The following GFM1 variants were observed in gnomAD, a reference collection of about 807,000 sequenced individuals.
GFM1 encodes the protein G elongation factor mitochondrial 1, also known as elongation factor G, mitochondrial.
A neutral mutation model predicts 96.2 loss-of-function variants in GFM1; 62 were observed. The ratio of observed to expected loss-of-function variants is 0.64; its 90% confidence interval spans 0.53 to 0.80. GFM1 has a LOEUF of 0.80. GFM1 is among the 30% of genes least tolerant of loss of function. The pLI is 0.00. For synonymous variants in GFM1, 282 were observed against 312.9 expected (o/e 0.90, Z 1.04); for missense variants, 852 against 916.6 (o/e 0.93, Z 0.91).
chr3:158,680,441 C>T (rs1031162325), intron 13 of GFM1, among the ~76,000 whole-genome samples: 3 of 152,188 alleles, frequency 2.0e-5, no homozygotes, highest in Non-Finnish European at 4.4e-5. Context: ...AGTTCTTCTA[C>T]CTGTTCTTTT....
Position 158,690,318 on chromosome 3 carries a change from G to A in GFM1, c.2065G>A (p.Ala689Thr), listed in dbSNP as rs1726209939. The A allele has an allele frequency of 6.2e-7, 1 of 1,613,282 alleles. No homozygotes were observed. Among genetic ancestry groups the A allele is most frequent in the African/African-American group, 1.3e-5 (1 of 74,892 alleles). The change falls in exon 16 of 18, where the codon GCA (alanine) becomes ACA (threonine). Residue 689 changes from alanine (A) to threonine (T), a missense_variant. Ala to Thr is a moderately conservative substitution (Grantham distance 58, BLOSUM62 0). Coordinates refer to ENST00000486715, the MANE Select transcript of GFM1 (RefSeq NM_024996.7). ...DGVEDYFTLY[A>T]DVPLNDMFGY... is the part of the protein sequence containing the mutation. The stretch of plus-strand genomic sequence containing the variant: ...AGTTGAGGACTATTTTACACTGTAT[G>A]CAGATGTAAGTAGTCTTGGTCATTG...
chr3:158,667,053 C>A, intron 13 of GFM1: 1 of 1,591,118 alleles, frequency 6.3e-7, no homozygotes, highest in South Asian at 1.2e-5. Context: ...TAGTCTAATT[C>A]AATAAAGTCA....
intron 14 of GFM1, 199 bp downstream of exon 14, chr3:158,682,356 CAAT>C: frequency 5.4e-6 from 3 of 554,260 alleles, no homozygotes; most frequent in Admixed American, 3.2e-5. Context: ...CATGCTGTGA[CAAT>C]GATGGGAAAT....
At chr3:158,689,652 C>T (rs1726141218) in intron 15 of GFM1, among the ~76,000 whole-genome samples, 1 of 151,640 alleles carries the variant, frequency 6.6e-6, no homozygotes, top group Non-Finnish European at 1.5e-5. Flanking sequence ...CCTGTAATCC[C>T]AGCTACTCGG....
chr3:158,646,762 A>G lies in GFM1; in HGVS notation c.387A>G (p.Ile129Met), dbSNP rs532788927. The G allele has an allele frequency of 1.9e-6, 3 of 1,613,844 alleles. No individual in the cohort carries two copies. In the South Asian group the frequency reaches 3.3e-5, roughly 18 times the overall value. ...ATTCAGGGCATGTGGACTTCACAATAGAAGTGGAAAGGGCCCTGAGAGTGT... is the reference window on the plus strand; with the variant it reads ...ATTCAGGGCATGTGGACTTCACAATGGAAGTGGAAAGGGCCCTGAGAGTGT... The part of the protein sequence containing the change: ...IDTPGHVDFT[I>M]EVERALRVLD... Residue 129 changes from isoleucine (I) to methionine (M), a missense_variant, in exon 4 of 18, where the codon ATA becomes ATG. Transcript: ENST00000486715.
intron 13 of GFM1, among the ~76,000 whole-genome samples, chr3:158,670,645 A>G (rs972110169): frequency 3.3e-5 from 5 of 152,260 alleles, no homozygotes; most frequent in East Asian, 1.9e-4. Context: ...AAACTAATCA[A>G]TCTTACAGAT....
At chr3:158,653,281 A>C in intron 6 of GFM1, 29 bp from the exon 7 acceptor site, 1 of 1,576,826 alleles carries the variant, frequency 6.3e-7, no homozygotes, top group Non-Finnish European at 8.7e-7. Context: ...TTTTAACATT[A>C]ACTACCATTA....
chr3:158,654,103 C>G (rs1722533040), intron 7 of GFM1, among the ~76,000 whole-genome samples: 1 of 150,566 alleles, frequency 6.6e-6, no homozygotes. Context: ...AAAAGAAACT[C>G]ATTGGTTATG....
At chr3:158,669,335 T>G in intron 13 of GFM1, 1 of 1,324,928 alleles carries the variant, frequency 7.5e-7, no homozygotes, top group Non-Finnish European at 1.0e-6. Context: ...GCCTGTAAGT[T>G]TCTAACATAC....
chr3:158,664,311 T>C (rs895794873), intron 11 of GFM1, among the ~76,000 whole-genome samples: 1 of 152,258 alleles, frequency 6.6e-6, no homozygotes, highest in African/African-American at 2.4e-5. Flanking sequence ...ATAGCTGTTC[T>C]CAAAGGGCTA....
intron 13 of GFM1, among the ~76,000 whole-genome samples, chr3:158,678,647 A>C (rs1483710009): frequency 6.6e-6 from 1 of 152,116 alleles, no homozygotes; most frequent in Admixed American, 6.5e-5. Flanking sequence ...CAAAGAAAGT[A>C]GTTTCTTGAG....
intron 7 of GFM1, among the ~76,000 whole-genome samples, chr3:158,654,276 C>T (rs778025952): frequency 8.2e-6 from 1 of 122,028 alleles, no homozygotes; most frequent in Non-Finnish European, 1.6e-5. Context: ...TGCAGTGGTG[C>T]AGTAATAGCT....
chr3:158,682,079 G>A lies in GFM1; in HGVS notation c.1686G>A (p.Glu562=), dbSNP rs763666956. Residue 562 remains glutamate (E), a synonymous_variant, in exon 14 of 18, where the codon GAG becomes GAA. Transcript: ENST00000486715. Reference sequence around the variant, plus strand: ...GTGTCCTGGAGCCTCTGGACCCAGAGGACTACACTAAATTGGAATTTTCAG... The same window carrying A: ...GTGTCCTGGAGCCTCTGGACCCAGAAGACTACACTAAATTGGAATTTTCAG... The part of the protein sequence containing the change: ...VIGVLEPLDP[E]DYTKLEFSDE... 7.4e-6 allele frequency: 12 copies of A among 1,613,216 alleles called. No individual in the cohort carries two copies. The Admixed American group carries it at 2.0e-4, about 27-fold the overall frequency.
chr3:158,682,247 C>A, intron 14 of GFM1, 90 bp downstream of exon 14: 1 of 1,114,658 alleles, frequency 9.0e-7, no homozygotes, highest in Non-Finnish European at 1.3e-6. Flanking sequence ...ATCATGTTGT[C>A]TATCACAGTT....
At position 158,646,854 on chromosome 3, in the gene GFM1, G is replaced by T. The variant is rs138103784; in HGVS notation, c.479G>T (p.Arg160Leu). 4 of 1,613,990 alleles carry T rather than the reference G, an allele frequency of 2.5e-6. No individual in the cohort carries two copies. Among genetic ancestry groups the T allele is most frequent in the Non-Finnish European group, 3.4e-6 (4 of 1,180,006 alleles). ...GVQCQTMTVN[R>L]QMKRYNVPFL... Reference sequence around the variant, plus strand: ...CAGTGCCAGACCATGACTGTCAATCGTCAGATGAAGCGCTACAACGTTCCG... The same window carrying T: ...CAGTGCCAGACCATGACTGTCAATCTTCAGATGAAGCGCTACAACGTTCCG... Residue 160 changes from arginine to leucine, a missense_variant, in exon 4 of 18, where the codon CGT becomes CTT. By Grantham distance (102) the Arg-to-Leu change is moderately radical. Transcript: ENST00000486715.
At chr3:158,670,226 G>A (rs1724145534) in intron 13 of GFM1, among the ~76,000 whole-genome samples, 1 of 152,166 alleles carries the variant, frequency 6.6e-6, no homozygotes, top group African/African-American at 2.4e-5. Context: ...TTTGACAGTT[G>A]TGTATAATCT....
In GFM1 at chr3:158,657,869, T is replaced by C. The variant is rs143247321; in HGVS notation, c.1084-1053T>C. 3.0e-3 allele frequency among the ~76,000 whole-genome samples: 461 copies of C among 152,298 alleles called. 2 individuals are homozygous for C. The highest frequency in any genetic ancestry group is 0.01 in the African/African-American group (429 of 41,578). On this transcript the variant is annotated intron_variant, in intron 8 of 17. Transcript: ENST00000486715. ...TTTTTATACTGTACTCTGTGGGGTGTTTAGTCTAATTTGTGCTGGTTCTGA... is the reference window on the plus strand; with the variant it reads ...TTTTTATACTGTACTCTGTGGGGTGCTTAGTCTAATTTGTGCTGGTTCTGA...
intron 4 of GFM1, among the ~76,000 whole-genome samples, chr3:158,648,678 CAAAAAAAAA>C (rs9331287): frequency 1.9e-5 from 2 of 102,782 alleles, no homozygotes; most frequent in Non-Finnish European, 2.0e-5. Context: ...ACTCTTGTCT[CAAAAAAAAA>C]AAAAAAAAAA....
In GFM1 at chr3:158,690,165, T is replaced by G. The variant is rs1377299358; in HGVS notation, c.1912T>G (p.Leu638Val). The change falls in exon 16 of 18, where the codon TTG becomes GTG. Residue 638 changes from leucine (L) to valine (V), a missense_variant and splice_region_variant. By Grantham distance (32) the Leu-to-Val change is conservative. Coordinates refer to ENST00000486715, the MANE Select transcript of GFM1 (RefSeq NM_024996.7). The stretch of plus-strand genomic sequence containing the variant: ...ACTTTTTTTTTTTTTTAACCCAGCC[T>G]TGGCAAATGCAACATTATGTATTCT... ...RAGEGALKQA[L>V]ANATLCILEP... The G allele has an allele frequency of 6.2e-7, 1 of 1,612,910 alleles. No homozygotes were observed. The highest frequency in any genetic ancestry group is 2.2e-5 in the East Asian group (1 of 44,854).
Sources: allele counts gnomAD v4.1 joint callset (sites outside exome capture counted in the v4.1 genomes callset), GRCh38; gene constraint gnomAD v4.1.1; transcripts MANE v1.5; gene names NCBI Gene and HGNC (gene_info 2026-07-23, HGNC 2026-07-21).